The following NMBR variants were observed in gnomAD, a reference collection of about 807,000 sequenced individuals.
NMBR encodes the protein neuromedin-B receptor.
A neutral mutation model predicts 20.5 loss-of-function variants in NMBR; 16 were observed. That is an observed-to-expected ratio of 0.78 (90% CI 0.53 to 1.19). NMBR has a LOEUF of 1.19. Among genes scored for constraint, NMBR ranks in the 50% most tolerant of loss-of-function variants. The probability of loss-of-function intolerance (pLI) is 0.00; values close to 1 mark genes in which losing one functional copy is unlikely to be tolerated. For synonymous variants in NMBR, 212 were observed against 196.6 expected, an observed-to-expected ratio of 1.08 and a Z score of -0.65; for missense variants, 582 against 499.1, an observed-to-expected ratio of 1.17 and a Z score of -1.58.
chr6:142,135,906 T>G (rs1019251305), intron 1 of NMBR, among the ~76,000 whole-genome samples: 1 of 151,794 alleles, frequency 6.6e-6, no homozygotes, highest in Admixed American at 6.6e-5. Flanking sequence ...TGTTGGACAT[T>G]TGGGTTGGTT....
chr6:142,131,845 G>A (rs1480003343), intron 1 of NMBR, among the ~76,000 whole-genome samples: 1 of 152,172 alleles, frequency 6.6e-6, no homozygotes, highest in Non-Finnish European at 1.5e-5. Context: ...CTACATGTCT[G>A]ACAATTGTAT....
chr6:142,082,307 T>C (rs1383481933), intron 2 of NMBR, among the ~76,000 whole-genome samples: 1 of 152,220 alleles, frequency 6.6e-6, no homozygotes, highest in Non-Finnish European at 1.5e-5. Flanking sequence ...CAGTAGAGTC[T>C]ATAGGGTCTC....
At chr6:142,123,014 A>G (rs1562244593) in intron 1 of NMBR, among the ~76,000 whole-genome samples, 1 of 151,924 alleles carries the variant, frequency 6.6e-6, no homozygotes, top group Non-Finnish European at 1.5e-5. Flanking sequence ...TAAGGAATAC[A>G]TTTCATAAAG....
chr6:142,090,907 G>C (rs1259209751), intron 1 of NMBR, among the ~76,000 whole-genome samples: 1 of 151,658 alleles, frequency 6.6e-6, no homozygotes, highest in Non-Finnish European at 1.5e-5. Flanking sequence ...TAATCATTTA[G>C]AAGAGAAAAA....
chr6:142,097,176 A>G (rs1245397245), intron 1 of NMBR, among the ~76,000 whole-genome samples: 2 of 152,050 alleles, frequency 1.3e-5, no homozygotes, highest in Non-Finnish European at 2.9e-5. Context: ...ATTTACATTT[A>G]AAGTTAATAT....
chr6:142,125,510 T>TGCGCATGCATATAC (rs1330890414), intron 1 of NMBR, among the ~76,000 whole-genome samples: 1 of 150,874 alleles, frequency 6.6e-6, no homozygotes, highest in African/African-American at 2.4e-5. Context: ...CACATATACA[T>TGCGCATGCATATAC]ACATACACAA....
intron 2 of NMBR, among the ~76,000 whole-genome samples, chr6:142,082,798 C>T (rs1004422334): frequency 3.3e-5 from 5 of 152,198 alleles, no homozygotes; most frequent in Non-Finnish European, 1.5e-5. Flanking sequence ...TATGTCACAT[C>T]ATGAGGAAGA....
intron 2 of NMBR, among the ~76,000 whole-genome samples, chr6:142,085,948 C>T (rs564002060): frequency 1.5e-4 from 22 of 145,952 alleles, no homozygotes; most frequent in African/African-American, 5.0e-4. Flanking sequence ...ATTCAAGGTG[C>T]TTCTTTTATT....
chr6:142,075,775 C>T lies in NMBR; in HGVS notation c.1046G>A (p.Arg349Lys), dbSNP rs1461103417. The change falls in exon 4 of 4, where the codon AGA becomes AAA. Residue 349 changes from arginine (R) to lysine (K), a missense_variant. By Grantham distance (26) the Arg-to-Lys change is conservative. Transcript: ENST00000258042. Reference protein sequence around the residue: ...LCCGRKSYQERGTSYLLSSSA... With the variant: ...LCCGRKSYQEKGTSYLLSSSA... ...AGAGCTGAGTAGGTAGCTGGTTCCTCTCTCTTGATAGGACTTCCTCCCACA... is the reference window on the plus strand; with the variant it reads ...AGAGCTGAGTAGGTAGCTGGTTCCTTTCTCTTGATAGGACTTCCTCCCACA... The T allele has an allele frequency of 4.3e-6, 7 of 1,613,918 alleles. No individual in the cohort carries two copies. The highest frequency in any genetic ancestry group is 3.3e-5 in the South Asian group (3 of 91,084).
At chr6:142,131,275 A>G (rs947549895) in intron 1 of NMBR, among the ~76,000 whole-genome samples, 1 of 152,190 alleles carries the variant, frequency 6.6e-6, no homozygotes, top group Non-Finnish European at 1.5e-5. Flanking sequence ...CAGCAGGCAC[A>G]TTGCAATAGA....
chr6:142,096,294 C>G (rs201202767), intron 1 of NMBR, among the ~76,000 whole-genome samples: 13 of 152,256 alleles, frequency 8.5e-5, no homozygotes, highest in African/African-American at 2.9e-4. Flanking sequence ...GCATTTACTG[C>G]TATAAATTTC....
chr6:142,077,047 C>T (rs1776965151), intron 3 of NMBR, among the ~76,000 whole-genome samples: 1 of 152,152 alleles, frequency 6.6e-6, no homozygotes, highest in African/African-American at 2.4e-5. Flanking sequence ...CCACATGGAT[C>T]CCAGTGGCAT....
chr6:142,099,841 T>C (rs1777528031), intron 1 of NMBR, among the ~76,000 whole-genome samples: 1 of 151,902 alleles, frequency 6.6e-6, no homozygotes, highest in Non-Finnish European at 1.5e-5. Context: ...ATATCAAAAA[T>C]ACACAAATAA....
At chr6:142,106,933 G>T (rs561621949) in intron 1 of NMBR, among the ~76,000 whole-genome samples, 2 of 152,278 alleles carry the variant, frequency 1.3e-5, no homozygotes, top group African/African-American at 4.8e-5. Context: ...CCTTAAAAAT[G>T]GAGACTTCCT....
chr6:142,092,256 G>A (rs887416493), intron 1 of NMBR, among the ~76,000 whole-genome samples: 4 of 152,040 alleles, frequency 2.6e-5, no homozygotes, highest in Non-Finnish European at 4.4e-5. Flanking sequence ...AGAATACAAA[G>A]TTCAAAGTCA....
chr6:142,132,427 T>A (rs1030024988), intron 1 of NMBR, among the ~76,000 whole-genome samples: 1 of 152,194 alleles, frequency 6.6e-6, no homozygotes. Flanking sequence ...ATTGTTCTCA[T>A]GATATGTGCT....
intron 1 of NMBR, among the ~76,000 whole-genome samples, chr6:142,093,174 T>G (rs1191374520): frequency 6.6e-6 from 1 of 152,024 alleles, no homozygotes; most frequent in Non-Finnish European, 1.5e-5. Context: ...AATTATTCTT[T>G]AAGTTTTAGG....
At chr6:142,080,194 G>A (rs76446091) in intron 2 of NMBR, among the ~76,000 whole-genome samples, 1,968 of 149,400 alleles carry the variant, frequency 0.013, 49 homozygotes, top group African/African-American at 0.046. Context: ...TTTTTTTTCT[G>A]AATTTTAAAA....
chr6:142,118,615 T>A (rs945656432), intron 1 of NMBR, among the ~76,000 whole-genome samples: 1 of 152,044 alleles, frequency 6.6e-6, no homozygotes, highest in Non-Finnish European at 1.5e-5. Context: ...AGGCATGAAA[T>A]GTATTTAGGA....
Sources: allele counts gnomAD v4.1 joint callset (sites outside exome capture counted in the v4.1 genomes callset), GRCh38; gene constraint gnomAD v4.1.1; transcripts MANE v1.5; gene names NCBI Gene and HGNC (gene_info 2026-07-23, HGNC 2026-07-21).